The following CACNA1B variants were observed in gnomAD, a reference collection of about 807,000 sequenced individuals.
CACNA1B encodes calcium voltage-gated channel subunit alpha1 B.
CACNA1B carries 70 observed loss-of-function variants against 247.2 expected under a neutral mutation model. That is an observed-to-expected ratio of 0.28 (90% CI 0.23 to 0.35). The LOEUF is 0.35. Ranked by LOEUF, CACNA1B falls within the 10% of genes least tolerant of loss-of-function variation. The probability of loss-of-function intolerance (pLI) is 1.00; values close to 1 mark genes in which losing one functional copy is unlikely to be tolerated. For missense variants in CACNA1B, 2,367 were observed against 3,197.4 expected, an observed-to-expected ratio of 0.74 and a Z score of 6.26; for synonymous variants, 1,231 against 1,294.4, an observed-to-expected ratio of 0.95 and a Z score of 1.05.
At chr9:137,983,492 A>T (rs1309437542) in intron 12 of CACNA1B, among the ~76,000 whole-genome samples, 1 of 152,136 alleles carries the variant, frequency 6.6e-6, no homozygotes, top group Non-Finnish European at 1.5e-5. Flanking sequence ...GGCTGGAAGG[A>T]GGGACGTGTA....
rs113747789 is a variant in CACNA1B at position 138,057,185 on chromosome 9, C to T, written c.3969-547C>T. Among the ~76,000 whole-genome samples the T allele has an allele frequency of 0.028, 4,204 of 152,262 alleles. 195 individuals are homozygous for T. Among genetic ancestry groups the T allele is most frequent in the African/African-American group, 0.095 (3,931 of 41,540 alleles). ...ATCTCCTGACCTCGTGATCCGCCCG[C>T]CTCGGCCTCCCAAAGTGCTGGGATT... On this transcript the variant is annotated intron_variant, in intron 26 of 46. Coordinates refer to ENST00000371372, the MANE Select transcript of CACNA1B (RefSeq NM_000718.4). The surrounding 1 kb of genome is among the most constrained non-coding windows in gnomAD (Gnocchi z 4.0).
chr9:138,040,494 A>G (rs951614053), intron 20 of CACNA1B: 15 of 290,006 alleles, frequency 5.2e-5, no homozygotes, highest in Admixed American at 8.1e-5. Context: ...ATATATATAT[A>G]TAAATGATAT....
In CACNA1B at chr9:137,899,222, G is replaced by A. The variant is rs1281576965; in HGVS notation, c.531-13958G>A. Among the ~76,000 whole-genome samples, 1 of 151,866 alleles carries A rather than the reference G, an allele frequency of 6.6e-6. No homozygotes were observed. Among genetic ancestry groups the A allele is most frequent in the African/African-American group, 2.4e-5 (1 of 41,330 alleles). On this transcript the variant is annotated intron_variant, in intron 3 of 46. Coordinates refer to ENST00000371372, the MANE Select transcript of CACNA1B (RefSeq NM_000718.4). The surrounding 1 kb of genome is among the most constrained non-coding windows in gnomAD (Gnocchi z 5.0). ...CCTGCCTTAGCTTCTTGGGTAGCGG[G>A]ATTACAGGCGCGCTCCACCATGCCA...
Position 137,917,287 on chromosome 9 carries a change from C to T in CACNA1B, c.822C>T (p.Ala274=), listed in dbSNP as rs76598430. 2 of 1,613,898 alleles carry T rather than the reference C, an allele frequency of 1.2e-6. No individual in the cohort carries two copies. The highest frequency in any genetic ancestry group is 1.7e-4 in the Middle Eastern group (1 of 6,060). Residue 274 remains alanine, a synonymous_variant, in exon 6 of 47, where the codon GCC becomes GCT. Transcript: ENST00000371372. This position sits in a 1 kb window ranked among gnomAD's most constrained non-coding sequence, Gnocchi z 5.5. ...TCCCCTGTGGCAAGGAGGCCCCAGCCCGGCTGTGCGAGGGCGACACTGAGT... is the reference window on the plus strand; with the variant it reads ...TCCCCTGTGGCAAGGAGGCCCCAGCTCGGCTGTGCGAGGGCGACACTGAGT... ...GDFPCGKEAP[A]RLCEGDTECR... is the part of the protein sequence containing the mutation.
chr9:138,101,046 G>A, intron 37 of CACNA1B: 5 of 476,914 alleles, frequency 1.0e-5, no homozygotes, highest in East Asian at 6.4e-5. Context: ...CTGGGCGGGC[G>A]GGAGGGTCGG....
At chr9:138,114,836 G>C (rs535864681) in intron 41 of CACNA1B, among the ~76,000 whole-genome samples, 1 of 152,246 alleles carries the variant, frequency 6.6e-6, no homozygotes, top group South Asian at 2.1e-4. Flanking sequence ...GGTGAAAGGA[G>C]AACTGTTTTC....
intron 31 of CACNA1B, among the ~76,000 whole-genome samples, chr9:138,064,288 C>T (rs1041091444): frequency 8.5e-5 from 13 of 152,268 alleles, no homozygotes; most frequent in African/African-American, 2.9e-4. Context: ...CTCAAGTAAA[C>T]GAGCCCGATC....
rs865785449 is a variant in CACNA1B at position 138,052,255 on chromosome 9, T to TGC, written c.3807+68_3807+69insCG. On this transcript the variant is annotated intron_variant, in intron 25 of 46. Coordinates refer to ENST00000371372, the MANE Select transcript of CACNA1B (RefSeq NM_000718.4). The surrounding 1 kb of genome is among the most constrained non-coding windows in gnomAD (Gnocchi z 5.1). ...GTGTGCGTGTGTGTGTGTGCGTGTG[T>TGC]GTGTGTGTATGCATGCAGTGCATGA... The TGC allele has an allele frequency of 1.8e-4, 150 of 829,380 alleles. No individual in the cohort carries two copies. Among genetic ancestry groups the TGC allele is most frequent in the African/African-American group, 2.8e-4 (16 of 57,550 alleles). The allele number at this position is 829,380 out of a possible 1,614,324, so 51.4% of individuals were successfully genotyped here.
intron 41 of CACNA1B, among the ~76,000 whole-genome samples, chr9:138,115,088 C>G (rs1480679258): frequency 6.6e-6 from 1 of 152,216 alleles, no homozygotes; most frequent in African/African-American, 2.4e-5. Context: ...ACCTTCCATT[C>G]TCACACCTGG....
In CACNA1B at chr9:137,913,844, G is replaced by A. The variant is rs1327578293; in HGVS notation, c.622+573G>A. Among the ~76,000 whole-genome samples, 1 of 152,188 alleles carries A rather than the reference G, an allele frequency of 6.6e-6. No homozygotes were observed. The highest frequency in any genetic ancestry group is 2.4e-5 in the African/African-American group (1 of 41,444). ...TTTAGGTTTACCTAAGGGCCTGAGT[G>A]GACATGGAACTAGAGCTGTGTCCTC... is the stretch of plus-strand genomic sequence containing the variant. On this transcript the variant is annotated intron_variant, in intron 4 of 46. Transcript: ENST00000371372. This position sits in a 1 kb window ranked among gnomAD's most constrained non-coding sequence, Gnocchi z 5.2.
At chr9:137,998,585 AAAC>A (rs1471152255) in intron 15 of CACNA1B, among the ~76,000 whole-genome samples, 4 of 152,222 alleles carry the variant, frequency 2.6e-5, no homozygotes, top group Admixed American at 6.5e-5. Context: ...CCGTCTCAAA[AAAC>A]AAAACAAAAC....
At chr9:138,008,908 G>A (rs1469455536) in intron 16 of CACNA1B, among the ~76,000 whole-genome samples, 2 of 152,234 alleles carry the variant, frequency 1.3e-5, no homozygotes, top group Non-Finnish European at 2.9e-5. Flanking sequence ...AGCCCCAAAT[G>A]CCAGCAGGGC....
intron 26 of CACNA1B, among the ~76,000 whole-genome samples, chr9:138,055,658 T>C (rs1030421796): frequency 1.3e-5 from 2 of 152,208 alleles, no homozygotes; most frequent in Non-Finnish European, 2.9e-5. Flanking sequence ...ACGATAGATA[T>C]CCAATTCACC....
Position 137,957,320 on chromosome 9 carries a change from G to A in CACNA1B, c.1244-278G>A, listed in dbSNP as rs933559254. On this transcript the variant is annotated intron_variant, in intron 9 of 46. Transcript: ENST00000371372. The surrounding 1 kb of genome is among the most constrained non-coding windows in gnomAD (Gnocchi z 4.7). ...AGTCCTGGCCTTGCCCCAGATGGAC[G>A]TTTCCTGGTCTCCCTGGTGGCCAGG... Among the ~76,000 whole-genome samples, 2 of 152,248 alleles carry A rather than the reference G, an allele frequency of 1.3e-5. No homozygotes were observed. The highest frequency in any genetic ancestry group is 1.9e-4 in the East Asian group (1 of 5,192).
At chr9:137,890,982 A>T (rs1588984235) in intron 3 of CACNA1B, 1 of 152,272 alleles carries the variant, frequency 6.6e-6, no homozygotes, top group East Asian at 1.9e-4. Context: ...CGTGGTGCTG[A>T]TCTTTCCAGC....
At chr9:138,017,295 A>C (rs573867146) in intron 18 of CACNA1B, 43 of 475,478 alleles carry the variant, frequency 9.0e-5, no homozygotes, top group Non-Finnish European at 1.8e-4. Flanking sequence ...TCTCACCGCA[A>C]GTCATTTGCT....
Position 137,888,169 on chromosome 9 carries a change from G to A in CACNA1B, c.530+5286G>A, listed in dbSNP as rs11137293. Among the ~76,000 whole-genome samples the A allele has an allele frequency of 0.13, 20,471 of 152,030 alleles. 1,679 individuals are homozygous for A. Among genetic ancestry groups the A allele is most frequent in the East Asian group, 0.39 (1,970 of 5,110 alleles). Reference sequence around the variant, plus strand: ...GGGAGTGGTGAGGGTTTGTACCAGGGAGTGGCGCTGGAGAACGGGGCAGGT... The same window carrying A: ...GGGAGTGGTGAGGGTTTGTACCAGGAAGTGGCGCTGGAGAACGGGGCAGGT... On this transcript the variant is annotated intron_variant, in intron 3 of 46. Transcript: ENST00000371372. The surrounding 1 kb of genome is among the most constrained non-coding windows in gnomAD (Gnocchi z 4.7).
intron 18 of CACNA1B, 64 bp from the exon 19 acceptor site, chr9:138,022,947 G>C: frequency 2.1e-6 from 3 of 1,436,530 alleles, no homozygotes; most frequent in Non-Finnish European, 2.7e-6. Context: ...GTGCATTGTG[G>C]CCTCCCTGGA....
At chr9:138,022,810 G>GTT (rs562907048) in intron 18 of CACNA1B, among the ~76,000 whole-genome samples, 2 of 134,562 alleles carry the variant, frequency 1.5e-5, no homozygotes, top group Non-Finnish European at 3.1e-5. Context: ...CACCGTGGGG[G>GTT]GGGGGGGCGG....
Sources: allele counts gnomAD v4.1 joint callset (sites outside exome capture counted in the v4.1 genomes callset), GRCh38; gene constraint gnomAD v4.1.1; non-coding constraint Gnocchi (gnomAD v3.1); transcripts MANE v1.5; gene names NCBI Gene and HGNC (gene_info 2026-07-23, HGNC 2026-07-21).